The following ATXN7L1 variants were observed in gnomAD, a reference collection of about 807,000 sequenced individuals.
ATXN7L1 encodes the protein ataxin-7-like protein 1.
Under a neutral mutation model 70.8 loss-of-function variants are expected in ATXN7L1, and 15 were observed. The observed-to-expected ratio is 0.21, with a 90% confidence interval of 0.14 to 0.33. The LOEUF is 0.33. ATXN7L1 is among the 10% of genes least tolerant of loss of function. ATXN7L1 has a pLI of 1.00. For synonymous variants in ATXN7L1, 440 were observed against 445.1 expected, an observed-to-expected ratio of 0.99 and a Z score of 0.14; for missense variants, 975 against 1,097.1, an observed-to-expected ratio of 0.89 and a Z score of 1.57.
At chr7:105,683,143 G>A (rs1178024163) in intron 3 of ATXN7L1, among the ~76,000 whole-genome samples, 2 of 152,160 alleles carry the variant, frequency 1.3e-5, no homozygotes, top group Admixed American at 6.5e-5. Flanking sequence ...GTTCCCAAAC[G>A]CTAATGCTAC....
At chr7:105,683,807 G>C (rs1805843555) in intron 3 of ATXN7L1, among the ~76,000 whole-genome samples, 1 of 152,136 alleles carries the variant, frequency 6.6e-6, no homozygotes, top group Admixed American at 6.6e-5. Context: ...GGGACACTGA[G>C]GCACAGCTCT....
intron 2 of ATXN7L1, chr7:105,819,830 T>C (rs1585079906): frequency 1.6e-6 from 1 of 627,178 alleles, no homozygotes; most frequent in Non-Finnish European, 3.1e-6. Flanking sequence ...CCCTATGACA[T>C]GAAAAAGCGG....
intron 2 of ATXN7L1, among the ~76,000 whole-genome samples, chr7:105,797,876 T>G (rs565523971): frequency 7.9e-5 from 12 of 152,332 alleles, no homozygotes; most frequent in African/African-American, 2.9e-4. Flanking sequence ...AGACAGGAAT[T>G]GTGACTTATC....
intron 3 of ATXN7L1, among the ~76,000 whole-genome samples, chr7:105,751,382 G>T (rs1047190148): frequency 1.3e-5 from 2 of 152,186 alleles, no homozygotes; most frequent in Non-Finnish European, 2.9e-5. Context: ...AAAGGCTGGG[G>T]TGTAGTGGCT....
At chr7:105,753,564 A>G (rs979388407) in intron 3 of ATXN7L1, among the ~76,000 whole-genome samples, 1 of 152,192 alleles carries the variant, frequency 6.6e-6, no homozygotes, top group African/African-American at 2.4e-5. Flanking sequence ...GATTGACACA[A>G]GTGACTAAAA....
At chr7:105,613,504 C>A in intron 10 of ATXN7L1, 6 of 1,166,276 alleles carry the variant, frequency 5.1e-6, no homozygotes, top group Non-Finnish European at 6.4e-6. Flanking sequence ...TGACAATGTT[C>A]TCAGAACCTC....
chr7:105,867,103 G>A lies in ATXN7L1; in HGVS notation c.250+8709C>T, dbSNP rs74869822. Among the ~76,000 whole-genome samples, 1,278 of 152,184 alleles carry A rather than the reference G, an allele frequency of 8.4e-3. 20 individuals are homozygous for A. The highest frequency in any genetic ancestry group is 0.029 in the African/African-American group (1,213 of 41,494). On this transcript the variant is annotated intron_variant, in intron 2 of 11. Coordinates refer to ENST00000419735, the MANE Select transcript of ATXN7L1 (RefSeq NM_020725.2). Reference sequence around the variant, plus strand: ...AGACGGCAGGCCCCTGGGAACCGCCGGCTGAAAGCATCAACATGGCCTCAC... The same window carrying A: ...AGACGGCAGGCCCCTGGGAACCGCCAGCTGAAAGCATCAACATGGCCTCAC...
At chr7:105,771,887 T>A (rs1802063355) in intron 3 of ATXN7L1, among the ~76,000 whole-genome samples, 1 of 151,742 alleles carries the variant, frequency 6.6e-6, no homozygotes, top group Admixed American at 6.6e-5. Context: ...TGGGGACAGG[T>A]TAAGGAAAAT....
chr7:105,620,521 A>T (rs1237594835), intron 8 of ATXN7L1, among the ~76,000 whole-genome samples, 200 bp from the exon 9 acceptor site: 1 of 152,220 alleles, frequency 6.6e-6, no homozygotes, highest in Non-Finnish European at 1.5e-5. Context: ...TTACAACTCA[A>T]CAATAGCTAC....
intron 3 of ATXN7L1, among the ~76,000 whole-genome samples, chr7:105,740,881 C>T (rs1797949065): frequency 6.6e-6 from 1 of 151,340 alleles, no homozygotes; most frequent in African/African-American, 2.4e-5. Context: ...TCTCCTGCCT[C>T]AGCCTCCTGA....
chr7:105,730,178 C>G (rs189421769), intron 3 of ATXN7L1, among the ~76,000 whole-genome samples: 4 of 152,260 alleles, frequency 2.6e-5, no homozygotes, highest in Admixed American at 2.0e-4. Flanking sequence ...CAAACACTAC[C>G]TCAGTCAGGT....
intron 2 of ATXN7L1, among the ~76,000 whole-genome samples, chr7:105,836,358 A>T (rs1812382839): frequency 6.6e-6 from 1 of 152,184 alleles, no homozygotes; most frequent in Admixed American, 6.5e-5. Context: ...GGTCACCCAA[A>T]CAACCAAAAT....
chr7:105,708,170 A>G (rs1272975968), intron 3 of ATXN7L1, among the ~76,000 whole-genome samples: 1 of 152,320 alleles, frequency 6.6e-6, no homozygotes, highest in East Asian at 1.9e-4. Flanking sequence ...CGTGGAGAAC[A>G]GTTGGCTGTG....
intron 3 of ATXN7L1, among the ~76,000 whole-genome samples, chr7:105,723,698 C>A (rs899429735): frequency 1.1e-4 from 16 of 152,204 alleles, no homozygotes; most frequent in Admixed American, 6.5e-5. Flanking sequence ...CACAGCCCTG[C>A]AGCCTCTTCC....
chr7:105,668,921 T>TA (rs1803079869), intron 3 of ATXN7L1, among the ~76,000 whole-genome samples: 1 of 148,450 alleles, frequency 6.7e-6, no homozygotes, highest in Non-Finnish European at 1.5e-5. Context: ...ATATATATAT[T>TA]TTTTTTTTGC....
intron 2 of ATXN7L1, among the ~76,000 whole-genome samples, chr7:105,835,692 A>G (rs977993958): frequency 6.6e-6 from 1 of 152,130 alleles, no homozygotes; most frequent in Non-Finnish European, 1.5e-5. Context: ...TTCCCTATAC[A>G]ATGGAGACAG....
chr7:105,768,003 C>T (rs1281887206), intron 3 of ATXN7L1, among the ~76,000 whole-genome samples: 1 of 152,186 alleles, frequency 6.6e-6, no homozygotes, highest in South Asian at 2.1e-4. Context: ...TTGTTTTGTG[C>T]TTGTTTTGAA....
chr7:105,739,991 A>G lies in ATXN7L1; in HGVS notation c.355+48613T>C, dbSNP rs190093889. ...TGCACTGGAACCTGCTGTAAGAAAT[A>G]TAAGTACTTTTCATGAAGACTATAT... On this transcript the variant is annotated intron_variant, in intron 3 of 11. Transcript: ENST00000419735. Among the ~76,000 whole-genome samples, 46 of 152,374 alleles carry G rather than the reference A, an allele frequency of 3.0e-4. 1 individual carries two copies. The South Asian group carries it at 8.7e-3, about 29-fold the overall frequency.
intron 3 of ATXN7L1, among the ~76,000 whole-genome samples, chr7:105,682,641 G>A (rs1320290899): frequency 1.3e-5 from 2 of 152,160 alleles, no homozygotes; most frequent in Non-Finnish European, 2.9e-5. Flanking sequence ...ATACAAATGA[G>A]TCTCAAAAAC....
Sources: allele counts gnomAD v4.1 joint callset (sites outside exome capture counted in the v4.1 genomes callset), GRCh38; gene constraint gnomAD v4.1.1; transcripts MANE v1.5; gene names NCBI Gene and HGNC (gene_info 2026-07-23, HGNC 2026-07-21).